Variants in HAPSTR1 observed in about 807,000 individuals in gnomAD.
HAPSTR1 encodes the protein HUWE1 associated protein modifying stress responses.
At chr16:9,115,864 C>T in the HAPSTR1 span, among the ~76,000 whole-genome samples, 115 of 152,252 alleles carry the variant, frequency 7.6e-4, no homozygotes, top group African/African-American at 2.7e-3. Flanking sequence ...ATCTGCCCGG[C>T]CTCCCAAAGT....
chr16:9,109,973 C>G, the HAPSTR1 span: 8 of 151,898 alleles, frequency 5.3e-5, no homozygotes, highest in African/African-American at 1.9e-4. Flanking sequence ...GAATACCAAG[C>G]ACTGTTTATT....
chr16:9,092,878 C>G, the HAPSTR1 span: 624,366 of 1,494,166 alleles, frequency 0.42, 136,364 homozygotes, highest in African/African-American at 0.74. Flanking sequence ...ATGTGTGTTT[C>G]TTTTTTCTTT....
the HAPSTR1 span, among the ~76,000 whole-genome samples, chr16:9,092,652 C>T: frequency 6.7e-6 from 1 of 149,936 alleles, no homozygotes; most frequent in Non-Finnish European, 1.5e-5. Context: ...GCGGGGACTG[C>T]CAGGGGGGGC....
the HAPSTR1 span, chr16:9,103,395 T>C: frequency 4.2e-6 from 4 of 943,152 alleles, no homozygotes; most frequent in Non-Finnish European, 6.1e-6. Context: ...AAATGTTTAA[T>C]AGAATGTAAG....
At chr16:9,092,090 G>C in the HAPSTR1 span, 1 of 1,543,360 alleles carries the variant, frequency 6.5e-7, no homozygotes, top group Non-Finnish European at 8.7e-7. Context: ...CCAGGAGCAC[G>C]GGCCCGAGCA....
chr16:9,120,866 C>A, the HAPSTR1 span: 1 of 151,806 alleles, frequency 6.6e-6, no homozygotes, highest in African/African-American at 2.4e-5. Context: ...TTGTTAGATA[C>A]GGGGTTTCAA....
the HAPSTR1 span, chr16:9,118,165 T>C: frequency 6.6e-6 from 1 of 152,646 alleles, no homozygotes; most frequent in African/African-American, 2.4e-5. Context: ...AGTGTTTTTT[T>C]AGATGAAGAA....
chr16:9,115,700 C>T, the HAPSTR1 span, among the ~76,000 whole-genome samples: 319 of 152,202 alleles, frequency 2.1e-3, no homozygotes, highest in African/African-American at 7.4e-3. Context: ...TTGCAACCAC[C>T]GCCTCCCGGG....
At chr16:9,109,138 A>G in the HAPSTR1 span, 15 of 152,310 alleles carry the variant, frequency 9.8e-5, no homozygotes, top group South Asian at 2.7e-3. Flanking sequence ...TACTCTTGCT[A>G]AGATCTTGAG....
chr16:9,092,228 C>T, the HAPSTR1 span: 12 of 1,585,524 alleles, frequency 7.6e-6, no homozygotes, highest in Admixed American at 1.8e-5. Context: ...GCTGTGGCAC[C>T]TCTTCCAGAA....
At chr16:9,114,622 AAG>A in the HAPSTR1 span, among the ~76,000 whole-genome samples, 1 of 152,112 alleles carries the variant, frequency 6.6e-6, no homozygotes, top group African/African-American at 2.4e-5. Context: ...GCAGGAAGGG[AAG>A]AGAGAGAAAC....
the HAPSTR1 span, chr16:9,103,420 T>TAA: frequency 1.3e-6 from 1 of 741,726 alleles, no homozygotes; most frequent in Non-Finnish European, 2.1e-6. Context: ...GAACTTAATA[T>TAA]GGGCGATTTC....
At chr16:9,104,759 C>T in the HAPSTR1 span, 1 of 152,178 alleles carries the variant, frequency 6.6e-6, no homozygotes, top group African/African-American at 2.4e-5. Context: ...TGGGATTGAT[C>T]TGTTTATGCT....
At chr16:9,120,768 C>G in the HAPSTR1 span, 1 of 149,322 alleles carries the variant, frequency 6.7e-6, no homozygotes, top group Non-Finnish European at 1.5e-5. Context: ...ACCTCTGCCT[C>G]CTGGGTTCAA....
At chr16:9,092,320 C>A in the HAPSTR1 span, 1 of 1,335,154 alleles carries the variant, frequency 7.5e-7, no homozygotes, top group Non-Finnish European at 9.6e-7. Context: ...CCCGCCCGGG[C>A]CCGGCCCCGG....
chr16:9,095,761 T>G, the HAPSTR1 span, among the ~76,000 whole-genome samples: 1 of 152,214 alleles, frequency 6.6e-6, no homozygotes, highest in East Asian at 1.9e-4. Flanking sequence ...ATAATGTAAA[T>G]GTAAGTTGAA....
chr16:9,095,497 G>C, the HAPSTR1 span, among the ~76,000 whole-genome samples: 2 of 152,100 alleles, frequency 1.3e-5, no homozygotes, highest in Admixed American at 6.5e-5. Context: ...CAGCATTCCT[G>C]TATTTTGTAT....
At chr16:9,103,250 G>T in the HAPSTR1 span, 2 of 1,613,006 alleles carry the variant, frequency 1.2e-6, no homozygotes, top group Non-Finnish European at 1.7e-6. Flanking sequence ...GGAAGCCATA[G>T]CTCTGCATGG....
chr16:9,092,549 C>T, the HAPSTR1 span, among the ~76,000 whole-genome samples: 4 of 152,178 alleles, frequency 2.6e-5, no homozygotes, highest in African/African-American at 7.2e-5. Flanking sequence ...CGGTGTCCCC[C>T]TCGGCCCGGA....
Sources: allele counts gnomAD v4.1 joint callset (sites outside exome capture counted in the v4.1 genomes callset), GRCh38; gene constraint gnomAD v4.1.1; transcripts MANE v1.5; gene names NCBI Gene and HGNC (gene_info 2026-07-23, HGNC 2026-07-21).